The following RARB variants were observed in gnomAD, a reference collection of about 807,000 sequenced individuals.
RARB encodes retinoic acid receptor beta.
RARB carries 17 observed loss-of-function variants against 51.9 expected under a neutral mutation model. The observed-to-expected ratio is 0.33, with a 90% CI of 0.22 to 0.49. The LOEUF (loss-of-function observed/expected upper bound fraction) is 0.49, where lower values mean the gene tolerates loss of function less well. Among genes scored for constraint, RARB ranks in the 20% least tolerant of loss-of-function variants. The probability of loss-of-function intolerance (pLI) is 0.99; values close to 1 mark genes in which losing one functional copy is unlikely to be tolerated. For missense variants in RARB, 369 were observed against 550.8 expected, an observed-to-expected ratio of 0.67 and a Z score of 3.30; for synonymous variants, 215 against 195.4, an observed-to-expected ratio of 1.10 and a Z score of -0.84.
intron 2 of RARB, among the ~76,000 whole-genome samples, chr3:25,025,916 T>C (rs1271004633): frequency 6.6e-6 from 1 of 152,172 alleles, no homozygotes; most frequent in Non-Finnish European, 1.5e-5. Context: ...CATATAACAT[T>C]GCTATTTTTA....
At chr3:25,506,252 CAAAA>C (rs35856686) in intron 3 of RARB, among the ~76,000 whole-genome samples, 1 of 57,764 alleles carries the variant, frequency 1.7e-5, no homozygotes, top group South Asian at 9.3e-4. Flanking sequence ...GACTCCATCT[CAAAA>C]AAAAAAAAAA....
intron 3 of RARB, among the ~76,000 whole-genome samples, chr3:25,061,535 G>A (rs770322235): frequency 2.0e-5 from 3 of 151,540 alleles, no homozygotes; most frequent in Non-Finnish European, 4.4e-5. Flanking sequence ...TCTCTGCTTG[G>A]TGTAGTTACA....
chr3:24,952,883 TG>T (rs199826301), intron 2 of RARB, among the ~76,000 whole-genome samples: 12,797 of 149,200 alleles, frequency 0.086, 647 homozygotes, highest in African/African-American at 0.13. Context: ...GTATTTTTTT[TG>T]TTTGTTTGTT....
chr3:25,195,696 TATC>T (rs1210959019), intron 5 of RARB, among the ~76,000 whole-genome samples: 4 of 152,038 alleles, frequency 2.6e-5, no homozygotes, highest in Non-Finnish European at 5.9e-5. Flanking sequence ...GCCATTAACT[TATC>T]ATGAAATTAC....
chr3:25,225,372 A>G (rs762658868), intron 5 of RARB, among the ~76,000 whole-genome samples: 15 of 152,132 alleles, frequency 9.9e-5, no homozygotes, highest in South Asian at 2.1e-4. Context: ...AATAATCTCT[A>G]TGAAAAGGGT....
chr3:25,536,001 A>C (rs1404778486), intron 3 of RARB, among the ~76,000 whole-genome samples: 8 of 152,214 alleles, frequency 5.3e-5, no homozygotes, highest in Admixed American at 5.2e-4. Flanking sequence ...CCAGATACAG[A>C]GAAAGCTATT....
At chr3:25,222,937 A>T (rs531982974) in intron 5 of RARB, among the ~76,000 whole-genome samples, 1 of 152,352 alleles carries the variant, frequency 6.6e-6, no homozygotes, top group East Asian at 1.9e-4. Flanking sequence ...CAGAATGAAT[A>T]GGATTTTTTT....
chr3:24,848,405 CTTTT>C (rs1312227569), intron 1 of RARB, among the ~76,000 whole-genome samples: 2 of 152,158 alleles, frequency 1.3e-5, no homozygotes, highest in Admixed American at 6.5e-5. Flanking sequence ...GTCTCTCTTT[CTTTT>C]TAACTGTTTT....
intron 2 of RARB, among the ~76,000 whole-genome samples, chr3:25,493,901 C>A (rs1696874782): frequency 6.6e-6 from 1 of 152,152 alleles, no homozygotes; most frequent in Non-Finnish European, 1.5e-5. Context: ...AACTTCCATT[C>A]AAAACACCAC....
At chr3:25,279,955 T>C (rs188883349) in intron 5 of RARB, among the ~76,000 whole-genome samples, 2 of 152,254 alleles carry the variant, frequency 1.3e-5, no homozygotes, top group Admixed American at 6.5e-5. Context: ...GGTGGAGTTG[T>C]AGGGGAGGGA....
At chr3:24,931,438 G>A (rs191834376) in intron 2 of RARB, among the ~76,000 whole-genome samples, 231 of 152,006 alleles carry the variant, frequency 1.5e-3, no homozygotes, top group African/African-American at 5.1e-3. Flanking sequence ...ATACATCAGT[G>A]GTCCCATTAG....
At chr3:25,261,102 G>A (rs956645872) in intron 5 of RARB, among the ~76,000 whole-genome samples, 1 of 152,068 alleles carries the variant, frequency 6.6e-6, no homozygotes, top group African/African-American at 2.4e-5. Flanking sequence ...CTGGGTTTCT[G>A]GTAGGGAGTA....
At chr3:25,407,122 C>T (rs1216825514) in intron 5 of RARB, among the ~76,000 whole-genome samples, 2 of 152,210 alleles carry the variant, frequency 1.3e-5, no homozygotes, top group African/African-American at 4.8e-5. Flanking sequence ...TTTCTGCCAG[C>T]CATATCATGT....
chr3:25,533,293 C>T (rs546909396), intron 3 of RARB, among the ~76,000 whole-genome samples: 5 of 151,936 alleles, frequency 3.3e-5, no homozygotes, highest in African/African-American at 9.7e-5. Context: ...TTTTGCTAGC[C>T]CTGAAAAAAT....
rs897335438 is a variant in RARB at position 25,484,429 on chromosome 3, G to A, written c.307-16753G>A. Among the ~76,000 whole-genome samples, 19 of 152,018 alleles carry A rather than the reference G, an allele frequency of 1.2e-4. 1 individual carries two copies. The highest frequency in any genetic ancestry group is 3.9e-4 in the African/African-American group (16 of 41,396). On this transcript the variant is annotated intron_variant, in intron 2 of 7. Coordinates refer to ENST00000330688, the MANE Select transcript of RARB (RefSeq NM_000965.5). Reference sequence around the variant, plus strand: ...TGTGTGAGAGAGTGAGAAAGAGACCGTGTTTTCTCCAACCTCGCTGATTAC... The same window carrying A: ...TGTGTGAGAGAGTGAGAAAGAGACCATGTTTTCTCCAACCTCGCTGATTAC...
At chr3:25,080,027 A>G (rs1051284124) in intron 3 of RARB, among the ~76,000 whole-genome samples, 20 of 152,212 alleles carry the variant, frequency 1.3e-4, no homozygotes, top group Non-Finnish European at 2.5e-4. Context: ...TACAACCATC[A>G]TCATGATTTC....
intron 3 of RARB, among the ~76,000 whole-genome samples, chr3:25,567,139 T>G (rs985589235): frequency 1.2e-4 from 19 of 152,242 alleles, no homozygotes; most frequent in African/African-American, 4.3e-4. Flanking sequence ...TTTGTTGGTG[T>G]TGTTTTGTGA....
chr3:25,105,443 A>T (rs1036384124), intron 3 of RARB, among the ~76,000 whole-genome samples: 6 of 145,374 alleles, frequency 4.1e-5, no homozygotes, highest in Non-Finnish European at 9.1e-5. Flanking sequence ...AAAAAAAAGA[A>T]GATTTGTGGT....
intron 5 of RARB, among the ~76,000 whole-genome samples, chr3:25,213,971 C>T (rs569291823): frequency 2.0e-5 from 3 of 152,170 alleles, no homozygotes; most frequent in African/African-American, 7.2e-5. Flanking sequence ...GATGGCCAAC[C>T]AAAGCATAGA....
Sources: allele counts gnomAD v4.1 joint callset (sites outside exome capture counted in the v4.1 genomes callset), GRCh38; gene constraint gnomAD v4.1.1; transcripts MANE v1.5; gene names NCBI Gene and HGNC (gene_info 2026-07-23, HGNC 2026-07-21).